ACSM3: variants seen among roughly 807,000 people sequenced by gnomAD.
ACSM3 encodes the protein acyl-CoA synthetase medium chain family member 3.
In ACSM3, 61 loss-of-function variants were observed where a neutral mutation model predicts 74.1. That is an observed-to-expected ratio of 0.82 (90% CI 0.67 to 1.02). The LOEUF (loss-of-function observed/expected upper bound fraction) is 1.02, where lower values mean the gene tolerates loss of function less well. ACSM3 is among the 50% of genes least tolerant of loss of function. The pLI, the probability that ACSM3 is intolerant of heterozygous loss-of-function variation, is 0.00. For synonymous variants in ACSM3, 213 were observed against 241.5 expected, an observed-to-expected ratio of 0.88 and a Z score of 1.09; for missense variants, 660 against 697.0, an observed-to-expected ratio of 0.95 and a Z score of 0.60.
chr16:20,683,705 C>CTG (rs2079493700), intron 1 of ACSM3, among the ~76,000 whole-genome samples: 1 of 84,654 alleles, frequency 1.2e-5, no homozygotes, highest in Non-Finnish European at 2.3e-5. Context: ...CTTTCTTTCT[C>CTG]TCTCTCTCTC....
chr16:20,781,115 G>A lies in ACSM3; in HGVS notation c.924G>A (p.Pro308=), dbSNP rs757135564. Residue 308 remains proline (P), a synonymous_variant, in exon 6 of 14, where the codon CCG becomes CCA. Transcript: ENST00000289416. ...VFTHHLPRFE[P]TSILQTLSKY... is the part of the protein sequence containing the mutation. ...CACACCATTTACCCCGTTTTGAGCC[G>A]ACTTCTATCTTGCAAGTAAGCCAAA... The A allele has an allele frequency of 1.2e-5, 19 of 1,613,732 alleles. No individual in the cohort carries two copies. The Admixed American group carries it at 2.0e-4, about 17-fold the overall frequency.
intron 1 of ACSM3, chr16:20,736,183 T>G (rs1407286103): frequency 1.3e-5 from 2 of 152,128 alleles, no homozygotes; most frequent in Non-Finnish European, 2.9e-5. Flanking sequence ...GAAGTAGCTT[T>G]CTTTATTAAG....
intron 1 of ACSM3, among the ~76,000 whole-genome samples, chr16:20,706,851 C>T (rs1452944562): frequency 6.6e-6 from 1 of 152,074 alleles, no homozygotes; most frequent in East Asian, 1.9e-4. Flanking sequence ...TGCATAAGGA[C>T]CCAGAGAGAG....
chr16:20,682,018 T>G, intron 1 of ACSM3: 1 of 431,920 alleles, frequency 2.3e-6, no homozygotes, highest in East Asian at 4.1e-5. Flanking sequence ...ATAACTGTCT[T>G]TGTTTCTCAC....
chr16:20,781,833 G>T (rs2080360168), intron 7 of ACSM3, 46 bp downstream of exon 7: 2 of 1,415,110 alleles, frequency 1.4e-6, no homozygotes, highest in South Asian at 2.3e-5. Context: ...GAGGGGAGAA[G>T]AGGAAGCTAT....
At position 20,770,123 on chromosome 16, in the gene ACSM3, A is replaced by C. The variant is rs1426419635; in HGVS notation, c.89A>C (p.Lys30Thr). 6.2e-7 allele frequency: 1 copy of C among 1,614,076 alleles called. No individual in the cohort carries two copies. The highest frequency in any genetic ancestry group is 8.5e-7 in the Non-Finnish European group (1 of 1,180,046). Residue 30 changes from lysine (K) to threonine (T), a missense_variant, in exon 2 of 14, where the codon AAA becomes ACA. Coordinates refer to ENST00000289416, the MANE Select transcript of ACSM3 (RefSeq NM_005622.4). ...AIFGSVRALHKDNRTATPQNF... is the reference protein window; with the variant it reads ...AIFGSVRALHTDNRTATPQNF... ...TTTGGTTCTGTGAGGGCACTGCATAAAGATAATAGAACAGCAACCCCTCAG... is the reference window on the plus strand; with the variant it reads ...TTTGGTTCTGTGAGGGCACTGCATACAGATAATAGAACAGCAACCCCTCAG...
At chr16:20,787,109 G>A (rs1004278657) in intron 9 of ACSM3, among the ~76,000 whole-genome samples, 4 of 152,238 alleles carry the variant, frequency 2.6e-5, no homozygotes, top group Middle Eastern at 3.4e-3. Context: ...CAGATCAACC[G>A]AGCTTCAAAG....
At chr16:20,770,931 A>G (rs1396575903) in intron 2 of ACSM3, among the ~76,000 whole-genome samples, 2 of 152,280 alleles carry the variant, frequency 1.3e-5, no homozygotes, top group East Asian at 3.9e-4. Context: ...CATACTCAAT[A>G]TATTATTCTT....
chr16:20,678,214 C>T (rs2079352678), intron 1 of ACSM3, among the ~76,000 whole-genome samples: 1 of 151,838 alleles, frequency 6.6e-6, no homozygotes, highest in South Asian at 2.1e-4. Flanking sequence ...AAAAATTTTC[C>T]AGTGGGAGGC....
upstream of ACSM3, among the ~76,000 whole-genome samples, chr16:20,759,155 G>A (rs990599105): frequency 3.3e-5 from 5 of 152,078 alleles, no homozygotes; most frequent in African/African-American, 1.2e-4. Flanking sequence ...CCACCACCAC[G>A]CCACTTCCCA....
rs994605477 is a variant in ACSM3, at chr16:20,695,359, C to T, written c.-190+20537C>T. Reference sequence around the variant, plus strand: ...GATATCCTGCAAAAAGCATTCAGCACGGACAAGTATTTTAGAAATAAGAGC... The same window carrying T: ...GATATCCTGCAAAAAGCATTCAGCATGGACAAGTATTTTAGAAATAAGAGC... On this transcript the variant is annotated intron_variant, in intron 1 of 3. Transcript: ENST00000561584. Among the ~76,000 whole-genome samples, 5 of 152,246 alleles carry T rather than the reference C, an allele frequency of 3.3e-5. No homozygotes were observed. In the East Asian group the frequency reaches 5.8e-4, roughly 18 times the overall value.
intron 1 of ACSM3, among the ~76,000 whole-genome samples, chr16:20,714,339 T>A (rs979348180): frequency 6.6e-6 from 1 of 152,122 alleles, no homozygotes; most frequent in East Asian, 1.9e-4. Context: ...AGATCTCATA[T>A]GCCATGATAA....
At chr16:20,783,278 T>C (rs1292429482) in intron 7 of ACSM3, 1 of 152,162 alleles carries the variant, frequency 6.6e-6, no homozygotes, top group African/African-American at 2.4e-5. Context: ...CTTGGGAAAT[T>C]ACAAAGGTTT....
chr16:20,732,658 AG>A (rs1324221030), intron 1 of ACSM3, among the ~76,000 whole-genome samples: 4 of 152,146 alleles, frequency 2.6e-5, no homozygotes, highest in Non-Finnish European at 5.9e-5. Context: ...AATGGGGTAA[AG>A]GGATTATTAC....
chr16:20,784,581 A>G (rs961450333), intron 7 of ACSM3: 2 of 161,870 alleles, frequency 1.2e-5, no homozygotes, highest in Non-Finnish European at 2.7e-5. Context: ...CTGCACAAGG[A>G]TGACATGCAA....
Position 20,781,033 on chromosome 16 carries a change from CA to C in ACSM3, c.845del (p.Lys282SerfsTer57). On this transcript the variant is annotated frameshift_variant, in exon 6 of 14. Coordinates refer to ENST00000289416, the MANE Select transcript of ACSM3 (RefSeq NM_005622.4). LOFTEE classifies it high-confidence loss of function. ...VMWNTSDTGWAKSAWSSVFSP... is the reference protein window; with the variant it reads ...VMWNTSDTGWXKSAWSSVFSP... ...TGGAATACCTCAGATACGGGCTGGG[CA>C]AAGTCTGCATGGAGTAGTGTTTTTT... 1 of 1,614,188 alleles carries C rather than the reference CA, an allele frequency of 6.2e-7. No homozygotes were observed. The highest frequency in any genetic ancestry group is 8.5e-7 in the Non-Finnish European group (1 of 1,180,016).
At chr16:20,792,826 C>G (rs143174538) in intron 12 of ACSM3, 1 of 535,570 alleles carries the variant, frequency 1.9e-6, no homozygotes, top group East Asian at 1.5e-4. Flanking sequence ...GAAATAAACT[C>G]TGAATAACAC....
chr16:20,686,123 C>T (rs2079549882), intron 1 of ACSM3, among the ~76,000 whole-genome samples: 1 of 151,988 alleles, frequency 6.6e-6, no homozygotes, highest in Non-Finnish European at 1.5e-5. Context: ...GTAAGAGTGC[C>T]TGTCACATAG....
chr16:20,784,648 A>G (rs146877473), intron 7 of ACSM3: 3 of 162,608 alleles, frequency 1.8e-5, no homozygotes, highest in Non-Finnish European at 4.0e-5. Context: ...ATAAAATGTT[A>G]TTATGGGGTA....
Sources: allele counts gnomAD v4.1 joint callset (sites outside exome capture counted in the v4.1 genomes callset), GRCh38; gene constraint gnomAD v4.1.1; transcripts MANE v1.5; gene names NCBI Gene and HGNC (gene_info 2026-07-23, HGNC 2026-07-21).